Variants in MNAT1 observed in about 807,000 individuals in gnomAD.
MNAT1 encodes the protein MNAT1 component of CDK activating kinase.
MNAT1 carries 43 observed loss-of-function variants against 42.0 expected under a neutral mutation model. That is an observed-to-expected ratio of 1.02 (90% confidence interval 0.80 to 1.32). MNAT1 has a LOEUF of 1.32. MNAT1 is among the 40% of genes most tolerant of loss of function. The pLI is 0.00. For missense variants in MNAT1, 306 were observed against 350.4 expected (o/e 0.87, Z 1.01); for synonymous variants, 118 against 120.0 (o/e 0.98, Z 0.11).
chr14:60,924,311 A>C (rs920587787), intron 7 of MNAT1, among the ~76,000 whole-genome samples: 10 of 151,394 alleles, frequency 6.6e-5, no homozygotes, highest in Non-Finnish European at 1.0e-4. Flanking sequence ...TGTAAAGTTT[A>C]TAATTCACCC....
At chr14:60,770,622 C>G (rs1306886543) in intron 1 of MNAT1, among the ~76,000 whole-genome samples, 1 of 151,990 alleles carries the variant, frequency 6.6e-6, no homozygotes, top group East Asian at 1.9e-4. Context: ...ATATTCTGTT[C>G]TGCTCAAATA....
At chr14:60,771,034 G>C (rs1249640101) in intron 1 of MNAT1, among the ~76,000 whole-genome samples, 2 of 152,128 alleles carry the variant, frequency 1.3e-5, no homozygotes, top group East Asian at 3.8e-4. Context: ...GTGTATATGA[G>C]TTATGGTTTC....
intron 1 of MNAT1, among the ~76,000 whole-genome samples, chr14:60,781,301 A>T (rs1441512240): frequency 6.6e-6 from 1 of 152,100 alleles, no homozygotes; most frequent in African/African-American, 2.4e-5. Context: ...GTGTGGTGTA[A>T]TTTGCCTGCT....
chr14:60,760,514 A>G (rs1346183176), intron 1 of MNAT1, among the ~76,000 whole-genome samples: 1 of 152,232 alleles, frequency 6.6e-6, no homozygotes, highest in Non-Finnish European at 1.5e-5. Context: ...TATGATTGTA[A>G]GAATACAGAC....
At chr14:60,898,095 TTGTGTGTGTG>T (rs756357048) in intron 7 of MNAT1, among the ~76,000 whole-genome samples, 1,632 of 143,770 alleles carry the variant, frequency 0.011, 27 homozygotes, top group African/African-American at 0.037. Context: ...TAGTAATACA[TTGTGTGTGTG>T]TGTGTGTGTG....
At chr14:60,761,522 C>G (rs1444193674) in intron 1 of MNAT1, among the ~76,000 whole-genome samples, 2 of 152,098 alleles carry the variant, frequency 1.3e-5, no homozygotes, top group Non-Finnish European at 2.9e-5. Context: ...TTTTTCAATC[C>G]TTAGCACTAA....
chr14:60,779,814 AAAG>A (rs146472443), intron 1 of MNAT1, among the ~76,000 whole-genome samples: 2 of 152,238 alleles, frequency 1.3e-5, no homozygotes, highest in East Asian at 3.9e-4. Context: ...AAGAAAAAAA[AAAG>A]AAGCTGTTTC....
intron 6 of MNAT1, among the ~76,000 whole-genome samples, chr14:60,873,344 T>C (rs897764160): frequency 3.9e-5 from 6 of 152,204 alleles, no homozygotes; most frequent in African/African-American, 7.2e-5. Flanking sequence ...TAGCCATAAA[T>C]ATAAAACATA....
At chr14:60,879,872 T>C (rs1228403848) in intron 7 of MNAT1, 37 bp downstream of exon 7, 2 of 1,596,998 alleles carry the variant, frequency 1.3e-6, no homozygotes, top group Non-Finnish European at 1.7e-6. Context: ...GAGGAGCTGA[T>C]ATGTGGGACT....
At chr14:60,909,755 C>T (rs1356494620) in intron 7 of MNAT1, among the ~76,000 whole-genome samples, 6 of 152,124 alleles carry the variant, frequency 3.9e-5, no homozygotes, top group African/African-American at 7.2e-5. Context: ...AGTCAGGCAG[C>T]GTGATGCCTC....
At chr14:60,873,722 T>A (rs1293693633) in intron 6 of MNAT1, among the ~76,000 whole-genome samples, 1 of 151,740 alleles carries the variant, frequency 6.6e-6, no homozygotes, top group Admixed American at 6.6e-5. Context: ...CATCCCACCT[T>A]GATCTTTCAA....
chr14:60,749,379 G>T (rs1331031949), intron 1 of MNAT1, among the ~76,000 whole-genome samples: 1 of 152,154 alleles, frequency 6.6e-6, no homozygotes, highest in Admixed American at 6.5e-5. Context: ...AATACAAATA[G>T]AAATGGAATT....
intron 6 of MNAT1, among the ~76,000 whole-genome samples, chr14:60,856,626 T>C (rs2033964913): frequency 6.6e-6 from 1 of 151,868 alleles, no homozygotes; most frequent in African/African-American, 2.4e-5. Context: ...GGCTGCTGAC[T>C]CTCTTTTTAG....
chr14:60,851,294 A>G (rs899234828), intron 6 of MNAT1, among the ~76,000 whole-genome samples: 14 of 152,194 alleles, frequency 9.2e-5, no homozygotes, highest in African/African-American at 1.4e-4. Flanking sequence ...TTGTACTACC[A>G]TGGTGATTAA....
intron 7 of MNAT1, among the ~76,000 whole-genome samples, chr14:60,906,377 T>C (rs2035200431): frequency 6.6e-6 from 1 of 152,170 alleles, no homozygotes; most frequent in Non-Finnish European, 1.5e-5. Flanking sequence ...ATTACTTTCA[T>C]CTAGAAAGGT....
rs77599113 is a variant in MNAT1, at chr14:60,801,271, A to C, written c.316+3111A>C. ...ATAGGTGGGTAAAACATGAGGGATG[A>C]CTAAAAATGGGGCCTGAAAAACAGG... On this transcript the variant is annotated intron_variant, in intron 3 of 7. Coordinates refer to ENST00000261245, the MANE Select transcript of MNAT1 (RefSeq NM_002431.4). Among the ~76,000 whole-genome samples the C allele has an allele frequency of 5.2e-3, 799 of 152,196 alleles. 2 individuals carry two copies. The highest frequency in any genetic ancestry group is 8.8e-3 in the Non-Finnish European group (600 of 67,992).
intron 6 of MNAT1, among the ~76,000 whole-genome samples, chr14:60,827,831 G>A (rs151202885): frequency 9.2e-5 from 14 of 152,188 alleles, no homozygotes; most frequent in African/African-American, 2.9e-4. Context: ...TGAGTATCAG[G>A]TGATTACTTT....
intron 1 of MNAT1, 96 bp downstream of exon 1, chr14:60,735,047 G>T (rs1401088602): frequency 1.7e-6 from 2 of 1,192,920 alleles, no homozygotes; most frequent in African/African-American, 3.0e-5. Flanking sequence ...AGCAAAGGGC[G>T]TTGTTAGTTT....
At chr14:60,868,049 C>T (rs1047901909) in intron 6 of MNAT1, among the ~76,000 whole-genome samples, 1 of 152,094 alleles carries the variant, frequency 6.6e-6, no homozygotes, top group Non-Finnish European at 1.5e-5. Context: ...AAAAATCTCT[C>T]TGCTTGCTTC....
Sources: gnomAD v4.1 joint callset for allele counts (sites outside exome capture counted in the v4.1 genomes callset) on GRCh38, gnomAD v4.1.1 for gene constraint, MANE v1.5 for transcripts, NCBI Gene and HGNC (gene_info 2026-07-23, HGNC 2026-07-21) for gene names.